Variants in MYOM2 observed in about 807,000 individuals in gnomAD.
MYOM2 encodes myomesin-2.
In MYOM2, 254 loss-of-function variants were observed where a neutral mutation model predicts 187.6. The observed-to-expected ratio is 1.35, with a 90% confidence interval of 1.22 to 1.50. The LOEUF is 1.50. Ranked by LOEUF, MYOM2 falls within the 40% of genes most tolerant of loss-of-function variation. MYOM2 has a pLI of 0.00. For synonymous variants in MYOM2, 981 were observed against 753.8 expected, an observed-to-expected ratio of 1.30 and a Z score of -4.94; for missense variants, 2,796 against 1,924.0, an observed-to-expected ratio of 1.45 and a Z score of -8.48.
chr8:2,060,094 T>A (rs964162554), intron 6 of MYOM2, among the ~76,000 whole-genome samples: 1 of 152,234 alleles, frequency 6.6e-6, no homozygotes, highest in Non-Finnish European at 1.5e-5. Context: ...TTTTTCTGTT[T>A]CTGTGCATAC....
At chr8:2,089,910 T>G in intron 14 of MYOM2, 98 bp from the exon 15 acceptor site, 1 of 1,194,100 alleles carries the variant, frequency 8.4e-7, no homozygotes, top group Admixed American at 2.2e-5. Flanking sequence ...CGCCTGGTGG[T>G]CCTGGGATAG....
Position 2,120,689 on chromosome 8 carries a change from A to ATATATATATAAATATCTATTTATAATAT in MYOM2, c.3454-2563_3454-2562insTATATATATAAATATCTATTTATAATAT. Among the ~76,000 whole-genome samples the ATATATATATAAATATCTATTTATAATAT allele has an allele frequency of 2.6e-3, 111 of 42,372 alleles. 3 individuals are homozygous for ATATATATATAAATATCTATTTATAATAT. Among genetic ancestry groups the ATATATATATAAATATCTATTTATAATAT allele is most frequent in the African/African-American group, 7.7e-3 (102 of 13,314 alleles). The allele number at this position is 42,372 out of a possible 152,430, so 27.8% of individuals were successfully genotyped here. ...ATATATATATATTATATTATATATA[A>ATATATATATAAATATCTATTTATAATAT]ATATATAATATATATATTTTAATTG... On this transcript the variant is annotated intron_variant, in intron 28 of 36. Coordinates refer to ENST00000262113, the MANE Select transcript of MYOM2 (RefSeq NM_003970.4).
chr8:2,126,206 T>A (rs1226185623), intron 31 of MYOM2, among the ~76,000 whole-genome samples: 2 of 152,216 alleles, frequency 1.3e-5, no homozygotes, highest in Admixed American at 1.3e-4. Context: ...ATGCACATTA[T>A]GTTGGGAGTT....
intron 24 of MYOM2, 167 bp from the exon 25 acceptor site, chr8:2,109,228 C>T: frequency 1.2e-6 from 1 of 805,642 alleles, no homozygotes; most frequent in South Asian, 2.1e-5. Flanking sequence ...CAACAACAGG[C>T]CAGCTCAAGT....
chr8:2,102,225 G>T (rs1796733602), intron 20 of MYOM2: 1 of 154,868 alleles, frequency 6.5e-6, no homozygotes, highest in Admixed American at 6.3e-5. Flanking sequence ...AATATATATA[G>T]ATGTTTATCC....
intron 11 of MYOM2, 87 bp from the exon 12 acceptor site, chr8:2,078,647 G>C: frequency 1.7e-6 from 2 of 1,187,894 alleles, no homozygotes; most frequent in Non-Finnish European, 2.5e-6. Context: ...GTTATAATCA[G>C]TGTGTGCATA....
intron 20 of MYOM2, 54 bp from the exon 21 acceptor site, chr8:2,102,613 A>C: frequency 1.6e-6 from 2 of 1,285,794 alleles, no homozygotes; most frequent in Non-Finnish European, 2.2e-6. Context: ...GAAAAACTCC[A>C]CAGTCATCTT....
intron 32 of MYOM2, among the ~76,000 whole-genome samples, chr8:2,137,910 C>T (rs1411958140): frequency 6.6e-6 from 1 of 152,194 alleles, no homozygotes; most frequent in East Asian, 1.9e-4. Flanking sequence ...CAGGTCTCTG[C>T]ACAGACGGGC....
chr8:2,135,053 C>G (rs1798020841), intron 32 of MYOM2, among the ~76,000 whole-genome samples: 3 of 152,160 alleles, frequency 2.0e-5, no homozygotes, highest in South Asian at 4.1e-4. Context: ...TGATTGGATC[C>G]CAGCCCAACT....
Position 2,116,240 on chromosome 8 carries a change from C to G in MYOM2, c.3350C>G (p.Ala1117Gly). 1 of 1,612,466 alleles carries G rather than the reference C, an allele frequency of 6.2e-7. No individual in the cohort carries two copies. The highest frequency in any genetic ancestry group is 8.5e-7 in the Non-Finnish European group (1 of 1,179,168). Residue 1117 changes from alanine to glycine, a missense_variant, in exon 27 of 37, where the codon GCT becomes GGT. Transcript: ENST00000262113. ...GDAFKTVLEE[A>G]EFQRKEFLRK... Reference sequence around the variant, plus strand: ...GCATTCAAGACTGTGCTGGAAGAGGCTGAGTTTCAAAGGAAAGAATTTCTC... The same window carrying G: ...GCATTCAAGACTGTGCTGGAAGAGGGTGAGTTTCAAAGGAAAGAATTTCTC...
intron 3 of MYOM2, among the ~76,000 whole-genome samples, chr8:2,055,686 C>G (rs547721082): frequency 2.0e-5 from 3 of 152,338 alleles, no homozygotes; most frequent in South Asian, 2.1e-4. Flanking sequence ...AGGCCTTAGT[C>G]TTAATCGCTG....
chr8:2,068,912 C>A (rs543590946), intron 6 of MYOM2, among the ~76,000 whole-genome samples: 1 of 152,164 alleles, frequency 6.6e-6, no homozygotes, highest in African/African-American at 2.4e-5. Flanking sequence ...CTTGAGGTCA[C>A]GGGAGGCTGT....
chr8:2,089,610 A>G (rs1471266726), intron 14 of MYOM2, among the ~76,000 whole-genome samples: 1 of 152,240 alleles, frequency 6.6e-6, no homozygotes, highest in Non-Finnish European at 1.5e-5. Flanking sequence ...CAATATGGTA[A>G]TAACTTTAAA....
intron 18 of MYOM2, 132 bp from the exon 19 acceptor site, chr8:2,098,725 T>C: frequency 2.0e-6 from 2 of 994,978 alleles, no homozygotes; most frequent in Non-Finnish European, 2.9e-6. Context: ...CCTGAAATAT[T>C]TGGTCCAATT....
chr8:2,115,232 A>G (rs948436212), intron 25 of MYOM2, among the ~76,000 whole-genome samples: 4 of 152,162 alleles, frequency 2.6e-5, no homozygotes, highest in African/African-American at 9.7e-5. Context: ...AAGATGGGGA[A>G]AATGGTTTTA....
At chr8:2,069,171 T>C (rs1475576047) in intron 6 of MYOM2, 107 bp from the exon 7 acceptor site, 1 of 1,089,488 alleles carries the variant, frequency 9.2e-7, no homozygotes, top group Non-Finnish European at 1.3e-6. Flanking sequence ...CATGAACAAA[T>C]AAACCACGCC....
At position 2,115,455 on chromosome 8, in the gene MYOM2, G is replaced by C. The variant is rs759556219; in HGVS notation, c.3181-505G>C. On this transcript the variant is annotated intron_variant, in intron 25 of 36. Coordinates refer to ENST00000262113, the MANE Select transcript of MYOM2 (RefSeq NM_003970.4). ...CGATCAAAAAAGTCAACACCTGTTGGAGGTCCATTTATCCTTTCCTCACCT... is the reference window on the plus strand; with the variant it reads ...CGATCAAAAAAGTCAACACCTGTTGCAGGTCCATTTATCCTTTCCTCACCT... Among the ~76,000 whole-genome samples, 33 of 152,270 alleles carry C rather than the reference G, an allele frequency of 2.2e-4. No individual in the cohort carries two copies. The South Asian group carries it at 2.7e-3, about 12-fold the overall frequency.
At chr8:2,095,515 C>T (rs111975699) in intron 17 of MYOM2, among the ~76,000 whole-genome samples, 4,100 of 152,236 alleles carry the variant, frequency 0.027, 43 homozygotes, top group Middle Eastern at 0.082. Flanking sequence ...TGATCTCAAA[C>T]TCAGGAGCTT....
intron 32 of MYOM2, among the ~76,000 whole-genome samples, chr8:2,139,605 C>A (rs937251310): frequency 6.6e-6 from 1 of 152,192 alleles, no homozygotes; most frequent in Admixed American, 6.5e-5. Context: ...AGCACCACAG[C>A]TGGCTCTCTG....
Sources: allele counts gnomAD v4.1 joint callset (sites outside exome capture counted in the v4.1 genomes callset), GRCh38; gene constraint gnomAD v4.1.1; transcripts MANE v1.5; gene names NCBI Gene and HGNC (gene_info 2026-07-23, HGNC 2026-07-21).